The following ANKRD39 variants were observed in gnomAD, a reference collection of about 807,000 sequenced individuals.
ANKRD39 encodes ankyrin repeat domain-containing protein 39.
In ANKRD39, 18 loss-of-function variants were observed where a neutral mutation model predicts 20.3. The ratio of observed to expected loss-of-function variants is 0.89; its 90% confidence interval spans 0.61 to 1.32. The LOEUF (loss-of-function observed/expected upper bound fraction) is 1.32, where lower values mean the gene tolerates loss of function less well. Ranked by LOEUF, ANKRD39 falls within the 40% of genes most tolerant of loss-of-function variation. ANKRD39 has a pLI of 0.00. For missense variants in ANKRD39, 243 were observed against 250.7 expected, an observed-to-expected ratio of 0.97 and a Z score of 0.21; for synonymous variants, 106 against 111.9, an observed-to-expected ratio of 0.95 and a Z score of 0.33.
intron 3 of ANKRD39, among the ~76,000 whole-genome samples, chr2:96,849,980 T>C (rs925125209): frequency 6.6e-6 from 1 of 152,210 alleles, no homozygotes; most frequent in African/African-American, 2.4e-5. Flanking sequence ...GCAAGAATCA[T>C]CATTATTCCC....
At chr2:96,857,764 C>T in intron 1 of ANKRD39, 124 bp downstream of exon 1, 1 of 1,036,796 alleles carries the variant, frequency 9.6e-7, no homozygotes, top group Non-Finnish European at 1.4e-6. Context: ...CGCCTTCCCG[C>T]ACCAGGCCCC....
chr2:96,849,221 T>C (rs2079824994), intron 3 of ANKRD39, among the ~76,000 whole-genome samples: 1 of 152,084 alleles, frequency 6.6e-6, no homozygotes, highest in African/African-American at 2.4e-5. Flanking sequence ...AGTGCAATTA[T>C]AGCTCACTGC....
chr2:96,855,489 C>T (rs2079857969), intron 1 of ANKRD39, among the ~76,000 whole-genome samples: 1 of 152,114 alleles, frequency 6.6e-6, no homozygotes, highest in East Asian at 1.9e-4. Context: ...CTTTGGGAGG[C>T]CGAGGCGGGT....
intron 3 of ANKRD39, among the ~76,000 whole-genome samples, chr2:96,850,672 A>G (rs989591464): frequency 1.3e-5 from 2 of 151,892 alleles, no homozygotes; most frequent in East Asian, 3.9e-4. Context: ...CTAAAAAAAC[A>G]AAACAAAACA....
In ANKRD39 at chr2:96,857,956, G is replaced by T. The variant is rs1446519969; in HGVS notation, c.32C>A (p.Pro11His). The T allele has an allele frequency of 6.4e-7, 1 of 1,569,994 alleles. No individual in the cohort carries two copies. The highest frequency in any genetic ancestry group is 2.3e-5 in the East Asian group (1 of 43,294). The change falls in exon 1 of 4, where the codon CCC becomes CAC. Residue 11 changes from proline to histidine, a missense_variant. By Grantham distance (77) the Pro-to-His change is moderately conservative (BLOSUM62 -2). Coordinates refer to ENST00000393537, the MANE Select transcript of ANKRD39 (RefSeq NM_016466.6). Reference sequence around the variant, plus strand: ...CACCGCGCTGGGATGCGAGCAGCAGGGCCCGTCCGCGCAGGGCCGAGGCGT... The same window carrying T: ...CACCGCGCTGGGATGCGAGCAGCAGTGCCCGTCCGCGCAGGGCCGAGGCGT... MATPRPCADG[P>H]CCSHPSAVLG...
Position 96,857,835 on chromosome 2 carries a change from C to A in ANKRD39, c.100+53G>T, listed in dbSNP as rs1574137854. 7 of 1,518,204 alleles carry A rather than the reference C, an allele frequency of 4.6e-6. No homozygotes were observed. The East Asian group carries it at 9.8e-5, about 21-fold the overall frequency. 94.0% of individuals were successfully genotyped at this position (1,518,204 alleles called of 1,614,324 possible). ...TCCGCCTCTCCTTGGCCCCACGCCT[C>A]CTCCTTGGGCCGGGGCCTGGTGAGA... On this transcript the variant is annotated intron_variant, in intron 1 of 3. Transcript: ENST00000393537.
At chr2:96,856,342 C>A (rs2079865020) in intron 1 of ANKRD39, among the ~76,000 whole-genome samples, 1 of 151,758 alleles carries the variant, frequency 6.6e-6, no homozygotes, top group African/African-American at 2.4e-5. Context: ...GGCGTCGTGG[C>A]ACACGCCTGT....
chr2:96,853,346 T>A, intron 3 of ANKRD39, 55 bp downstream of exon 3: 1 of 1,524,024 alleles, frequency 6.6e-7, no homozygotes, highest in Non-Finnish European at 8.9e-7. Context: ...TACATGAACA[T>A]GTTATAACTT....
chr2:96,857,509 C>A (rs2079871085), intron 1 of ANKRD39, among the ~76,000 whole-genome samples: 1 of 152,262 alleles, frequency 6.6e-6, no homozygotes, highest in South Asian at 2.1e-4. Context: ...GCGCAGCCCC[C>A]AGGCCTGCAG....
At chr2:96,849,311 C>A (rs572846282) in intron 3 of ANKRD39, among the ~76,000 whole-genome samples, 5 of 152,210 alleles carry the variant, frequency 3.3e-5, no homozygotes, top group African/African-American at 1.2e-4. Context: ...CACCACTACA[C>A]GTGGCTAACC....
chr2:96,848,178 TG>T lies in ANKRD39; in HGVS notation c.*122del. 1 of 1,382,372 alleles carries T rather than the reference TG, an allele frequency of 7.2e-7. No individual in the cohort carries two copies. The highest frequency in any genetic ancestry group is 9.9e-7 in the Non-Finnish European group (1 of 1,010,006). 85.6% of individuals were successfully genotyped at this position (1,382,372 alleles called of 1,614,324 possible). Reference sequence around the variant, plus strand: ...TCCCTCGCTTCCACAGTGACCAGACTGGGGCTCTTCCTGGGTGGTCTGGCCT... The same window carrying T: ...TCCCTCGCTTCCACAGTGACCAGACTGGGCTCTTCCTGGGTGGTCTGGCCT... On this transcript the variant is annotated 3_prime_UTR_variant, in exon 4 of 4. Transcript: ENST00000393537.
At chr2:96,852,841 G>A (rs978197667) in intron 3 of ANKRD39, among the ~76,000 whole-genome samples, 2 of 152,178 alleles carry the variant, frequency 1.3e-5, no homozygotes, top group Admixed American at 6.5e-5. Flanking sequence ...GCAGAGGCAG[G>A]AGGATCAATT....
chr2:96,857,289 C>A (rs2079869792), intron 1 of ANKRD39, among the ~76,000 whole-genome samples: 1 of 152,212 alleles, frequency 6.6e-6, no homozygotes, highest in Non-Finnish European at 1.5e-5. Flanking sequence ...CCAACGCTCA[C>A]AAGAAGCACC....
intron 3 of ANKRD39, among the ~76,000 whole-genome samples, chr2:96,849,340 T>C (rs1574134224): frequency 6.6e-6 from 1 of 152,036 alleles, no homozygotes; most frequent in African/African-American, 2.4e-5. Context: ...AAAAATAATT[T>C]ATTTTGAATT....
chr2:96,852,874 C>G (rs538090890), intron 3 of ANKRD39, among the ~76,000 whole-genome samples: 11 of 152,060 alleles, frequency 7.2e-5, no homozygotes, highest in Non-Finnish European at 1.5e-5. Flanking sequence ...TTGAGACCAG[C>G]CTGGGCAACA....
rs148308490 is a variant in ANKRD39 at position 96,851,492 on chromosome 2, T to C, written c.408+1909A>G. ...TTGTTAGTAGAGATGGGTTTTGCCA[T>C]GTTGCCCAGCCTGGTCTCGAACTCC... On this transcript the variant is annotated intron_variant, in intron 3 of 3. Transcript: ENST00000393537. Among the ~76,000 whole-genome samples the C allele has an allele frequency of 8.5e-4, 129 of 152,224 alleles. 3 individuals carry two copies. Among genetic ancestry groups the C allele is most frequent in the African/African-American group, 2.5e-3 (102 of 41,540 alleles).
intron 3 of ANKRD39, 39 bp from the exon 4 acceptor site, chr2:96,848,483 C>CCA: frequency 6.2e-7 from 1 of 1,610,694 alleles, no homozygotes; most frequent in Non-Finnish European, 8.5e-7. Context: ...GCATACCCCC[C>CCA]CACTGGGCTC....
At position 96,853,392 on chromosome 2, in the gene ANKRD39, C is replaced by G; in HGVS notation, c.408+9G>C. 1 of 1,563,746 alleles carries G rather than the reference C, an allele frequency of 6.4e-7. No homozygotes were observed. The highest frequency in any genetic ancestry group is 8.7e-7 in the Non-Finnish European group (1 of 1,153,562). On this transcript the variant is annotated intron_variant, in intron 3 of 3. Transcript: ENST00000393537. ...GAAACGACATTTTTGGAAGGGGGAA[C>G]GGGCCCACCTTATGCAGACTGGTCA... is the stretch of plus-strand genomic sequence containing the variant.
chr2:96,853,695 G>A, intron 2 of ANKRD39, 91 bp from the exon 3 acceptor site: 1 of 1,317,858 alleles, frequency 7.6e-7, no homozygotes, highest in Non-Finnish European at 1.1e-6. Context: ...CCTGCAGCGA[G>A]GGGCCTGGAA....
Sources: allele counts gnomAD v4.1 joint callset (sites outside exome capture counted in the v4.1 genomes callset), GRCh38; gene constraint gnomAD v4.1.1; transcripts MANE v1.5; gene names NCBI Gene and HGNC (gene_info 2026-07-23, HGNC 2026-07-21).